The following RELN variants were observed in gnomAD, a reference collection of about 807,000 sequenced individuals.
RELN encodes reelin.
RELN carries 108 observed loss-of-function variants against 427.6 expected under a neutral mutation model. That is an observed-to-expected ratio of 0.25 (90% CI 0.22 to 0.30). RELN has a LOEUF of 0.30. RELN is among the 10% of genes least tolerant of loss of function. The pLI is 1.00. For missense variants in RELN, 3,715 were observed against 4,302.8 expected (o/e 0.86, Z 3.82); for synonymous variants, 1,524 against 1,513.4 (o/e 1.01, Z -0.16).
rs140651469 is a variant in RELN at position 103,749,044 on chromosome 7, CT to C, written c.656+381del. Among the ~76,000 whole-genome samples, 1,176 of 152,144 alleles carry C rather than the reference CT, an allele frequency of 7.7e-3. 15 individuals carry two copies. Among genetic ancestry groups the C allele is most frequent in the African/African-American group, 0.027 (1,110 of 41,496 alleles). Reference sequence around the variant, plus strand: ...ACTGGAGTATACATAATGAGTTGACCTAATAATTTAGAAATTATTTGGAAGT... The same window carrying C: ...ACTGGAGTATACATAATGAGTTGACCAATAATTTAGAAATTATTTGGAAGT... On this transcript the variant is annotated intron_variant, in intron 6 of 64. Coordinates refer to ENST00000428762, the MANE Select transcript of RELN (RefSeq NM_005045.4).
chr7:103,654,131 G>T lies in RELN; in HGVS notation c.1516C>A (p.His506Asn). Residue 506 changes from histidine (H) to asparagine (N), a missense_variant, in exon 13 of 65, where the codon CAT becomes AAT. His to Asn is a moderately conservative substitution (Grantham distance 68, BLOSUM62 1). Around this residue, in one of 4 missense-constraint regions of RELN, gnomAD observed 2,208 missense variants for 2,361.7 expected, o/e 0.93. Transcript: ENST00000428762. ...TAGGAAAGGGTATCCAGTGTTATAT[G>T]CTCTTTTCTTCCTTCAATTTTTGCA... is the stretch of plus-strand genomic sequence containing the variant. Reference protein sequence around the residue: ...LYAKIEGRKEHITLDTLSYSS... With the variant: ...LYAKIEGRKENITLDTLSYSS... 1 of 1,605,262 alleles carries T rather than the reference G, an allele frequency of 6.2e-7. No individual in the cohort carries two copies. Among genetic ancestry groups the T allele is most frequent in the Non-Finnish European group, 8.5e-7 (1 of 1,172,632 alleles).
rs1346465778 is a variant in RELN at position 103,575,592 on chromosome 7, C to G, written c.4259G>C (p.Gly1420Ala). ...EPCPSYCSGH[G>A]DCISGVCFCD... Reference sequence around the variant, plus strand: ...GAAACACACTCCTGAAATGCAGTCCCCATGGCCACTGCAGTAACTGGGACA... The same window carrying G: ...GAAACACACTCCTGAAATGCAGTCCGCATGGCCACTGCAGTAACTGGGACA... The change falls in exon 29 of 65, where the codon GGG becomes GCG. Residue 1420 changes from glycine (G) to alanine (A), a missense_variant. Coordinates refer to ENST00000428762, the MANE Select transcript of RELN (RefSeq NM_005045.4). 6.2e-7 allele frequency: 1 copy of G among 1,614,106 alleles called. No individual in the cohort carries two copies. Among genetic ancestry groups the G allele is most frequent in the South Asian group, 1.1e-5 (1 of 91,074 alleles).
intron 8 of RELN, among the ~76,000 whole-genome samples, chr7:103,722,410 G>A (rs932324685): frequency 2.6e-5 from 4 of 152,194 alleles, no homozygotes; most frequent in Admixed American, 2.6e-4. Context: ...CATAGGAAAT[G>A]GTCAGGAGGG....
chr7:103,907,790 CTTA>C (rs1795248923), intron 2 of RELN, among the ~76,000 whole-genome samples: 1 of 150,762 alleles, frequency 6.6e-6, no homozygotes, highest in Non-Finnish European at 1.5e-5. Context: ...TAAAAAAAAA[CTTA>C]TTTTTTTTTA....
intron 6 of RELN, among the ~76,000 whole-genome samples, chr7:103,736,696 G>A (rs1264586415): frequency 6.6e-6 from 1 of 152,132 alleles, no homozygotes; most frequent in East Asian, 1.9e-4. Context: ...TCCACTACAT[G>A]CTGCTTGAAG....
Position 103,651,747 on chromosome 7 carries a change from G to A in RELN, c.1806C>T (p.Ser602=), listed in dbSNP as rs768133117. Residue 602 remains serine (S), a synonymous_variant, in exon 15 of 65, where the codon TCC becomes TCT. Coordinates refer to ENST00000428762, the MANE Select transcript of RELN (RefSeq NM_005045.4). The part of the protein sequence containing the change: ...EFSTNHGRSW[S]LLHTECLPEI... The stretch of plus-strand genomic sequence containing the variant: ...CAGGTAAGCATTCAGTGTGAAGGAG[G>A]GACCAGGAGCGCCCATGGTTGGTAG... The A allele has an allele frequency of 1.1e-5, 17 of 1,611,686 alleles. No individual in the cohort carries two copies. Among genetic ancestry groups the A allele is most frequent in the Admixed American group, 6.7e-5 (4 of 59,780 alleles).
At chr7:103,499,975 T>TA (rs1010390962) in intron 53 of RELN, among the ~76,000 whole-genome samples, 15 of 152,204 alleles carry the variant, frequency 9.9e-5, no homozygotes, top group African/African-American at 3.6e-4. Flanking sequence ...CAATTTTATT[T>TA]AAAAAATGTT....
intron 64 of RELN, among the ~76,000 whole-genome samples, chr7:103,474,858 A>C (rs1011381075): frequency 1.3e-5 from 2 of 151,996 alleles, no homozygotes; most frequent in Admixed American, 1.3e-4. Context: ...CTAAGAAAGT[A>C]TAACTGAATG....
intron 2 of RELN, among the ~76,000 whole-genome samples, chr7:103,847,008 T>C (rs1793694636): frequency 6.6e-6 from 1 of 152,212 alleles, no homozygotes; most frequent in African/African-American, 2.4e-5. Context: ...GAAGACAGTG[T>C]GGCGACTCCT....
chr7:103,561,189 A>G lies in RELN; in HGVS notation c.5529+343T>C, dbSNP rs1830633674. Among the ~76,000 whole-genome samples, 3 of 152,248 alleles carry G rather than the reference A, an allele frequency of 2.0e-5. No homozygotes were observed. In the South Asian group the frequency reaches 6.2e-4, roughly 32 times the overall value. On this transcript the variant is annotated intron_variant, in intron 36 of 64. Coordinates refer to ENST00000428762, the MANE Select transcript of RELN (RefSeq NM_005045.4). ...AAGGAAAATTAAAGACCGTTCATAAAGTCATTTAGAAAATATTCCAAGTTA... is the reference window on the plus strand; with the variant it reads ...AAGGAAAATTAAAGACCGTTCATAAGGTCATTTAGAAAATATTCCAAGTTA...
At chr7:103,982,427 AC>A (rs1326077805) in intron 1 of RELN, among the ~76,000 whole-genome samples, 8 of 152,180 alleles carry the variant, frequency 5.3e-5, no homozygotes, top group Non-Finnish European at 2.9e-5. Context: ...TAATAAATGT[AC>A]TGATTTGTTT....
chr7:103,555,455 G>GA lies in RELN; in HGVS notation c.5797+1521dup, dbSNP rs1432977792. 2.0e-4 allele frequency among the ~76,000 whole-genome samples: 30 copies of GA among 152,152 alleles called. 1 individual carries two copies. In the East Asian group the frequency reaches 2.7e-3, roughly 14 times the overall value. ...TTAGAAAGTGGTTGGTGGAATCAAT[G>GA]AAAAAATAATTAGGTGAGCACTCCA... is the stretch of plus-strand genomic sequence containing the variant. On this transcript the variant is annotated intron_variant, in intron 38 of 64. Transcript: ENST00000428762.
At chr7:103,557,748 C>G (rs994484005) in intron 37 of RELN, among the ~76,000 whole-genome samples, 5 of 152,142 alleles carry the variant, frequency 3.3e-5, no homozygotes, top group Non-Finnish European at 7.4e-5. Flanking sequence ...AATATGATTA[C>G]AGCTATATGA....
At chr7:103,825,573 T>C (rs894961706) in intron 3 of RELN, among the ~76,000 whole-genome samples, 6 of 152,174 alleles carry the variant, frequency 3.9e-5, no homozygotes, top group African/African-American at 1.2e-4. Flanking sequence ...TCCTTCTATG[T>C]GTCCTTTGAA....
intron 16 of RELN, among the ~76,000 whole-genome samples, chr7:103,646,550 C>G (rs974582857): frequency 1.4e-4 from 21 of 151,838 alleles, no homozygotes; most frequent in Admixed American, 3.3e-4. Context: ...GGAAACATAC[C>G]TCCTCCTAAG....
chr7:103,873,291 A>G lies in RELN; in HGVS notation c.338-39619T>C, dbSNP rs980086491. ...ATTGACACCCTAACATCACAATTAAAAGAACTAGAAAAGCAAGAGCAAACA... is the reference window on the plus strand; with the variant it reads ...ATTGACACCCTAACATCACAATTAAGAGAACTAGAAAAGCAAGAGCAAACA... On this transcript the variant is annotated intron_variant, in intron 2 of 64. Coordinates refer to ENST00000428762, the MANE Select transcript of RELN (RefSeq NM_005045.4). Among the ~76,000 whole-genome samples the G allele has an allele frequency of 3.3e-4, 46 of 139,884 alleles. 1 individual carries two copies. Among genetic ancestry groups the G allele is most frequent in the Non-Finnish European group, 6.7e-4 (43 of 64,216 alleles). 91.8% of individuals were successfully genotyped at this position (139,884 alleles called of 152,430 possible). A position where few individuals can be genotyped will look rare whatever the true frequency, so the allele number is the denominator to read the frequency against.
At chr7:103,920,937 G>A (rs1018494538) in intron 1 of RELN, among the ~76,000 whole-genome samples, 2 of 152,156 alleles carry the variant, frequency 1.3e-5, no homozygotes, top group African/African-American at 4.8e-5. Flanking sequence ...GTGAGGAGAA[G>A]AAGAAATCTG....
intron 2 of RELN, among the ~76,000 whole-genome samples, chr7:103,840,442 TCTCAAG>T (rs1793525625): frequency 6.6e-6 from 1 of 152,374 alleles, no homozygotes; most frequent in African/African-American, 2.4e-5. Context: ...GGACACCCCC[TCTCAAG>T]CTTCATTCTG....
chr7:103,917,424 T>C (rs553624278), intron 1 of RELN, among the ~76,000 whole-genome samples: 27 of 152,306 alleles, frequency 1.8e-4, no homozygotes, highest in African/African-American at 6.5e-4. Context: ...TGCATTCATT[T>C]ACACATTTCT....
Sources: allele counts gnomAD v4.1 joint callset (sites outside exome capture counted in the v4.1 genomes callset), GRCh38; gene constraint gnomAD v4.1.1; regional missense constraint gnomAD v4.1.1; transcripts MANE v1.5; gene names NCBI Gene and HGNC (gene_info 2026-07-23, HGNC 2026-07-21).